The following TMEM108 variants were observed in gnomAD, a reference collection of about 807,000 sequenced individuals.
TMEM108 encodes the protein transmembrane protein 108.
In TMEM108, 12 loss-of-function variants were observed where a neutral mutation model predicts 35.1. The ratio of observed to expected loss-of-function variants is 0.34; its 90% CI spans 0.22 to 0.55. The LOEUF (loss-of-function observed/expected upper bound fraction) is 0.55, where lower values mean the gene tolerates loss of function less well. Among genes scored for constraint, TMEM108 ranks in the 20% least tolerant of loss-of-function variants. The probability of loss-of-function intolerance (pLI) is 0.89; values close to 1 mark genes in which losing one functional copy is unlikely to be tolerated. For missense variants in TMEM108, 680 were observed against 753.3 expected (o/e 0.90, Z 1.14); for synonymous variants, 287 against 308.6 (o/e 0.93, Z 0.73).
At chr3:133,273,289 A>G (rs1464722747) in intron 3 of TMEM108, among the ~76,000 whole-genome samples, 2 of 152,174 alleles carry the variant, frequency 1.3e-5, no homozygotes, top group African/African-American at 4.8e-5. Flanking sequence ...GATGTGTCCA[A>G]TGGAATGAAG....
intron 3 of TMEM108, among the ~76,000 whole-genome samples, chr3:133,295,904 T>G (rs899404989): frequency 1.3e-5 from 2 of 152,190 alleles, no homozygotes; most frequent in Non-Finnish European, 2.9e-5. Flanking sequence ...GCCCCCTGAA[T>G]GAAAATAATT....
intron 3 of TMEM108, among the ~76,000 whole-genome samples, chr3:133,330,829 A>C (rs2071385426): frequency 6.6e-6 from 1 of 152,176 alleles, no homozygotes; most frequent in Admixed American, 6.6e-5. Flanking sequence ...TCAGGCTAAG[A>C]GGAAGAAAGG....
intron 3 of TMEM108, among the ~76,000 whole-genome samples, chr3:133,355,158 G>T (rs1195105174): frequency 6.6e-6 from 1 of 152,176 alleles, no homozygotes; most frequent in Non-Finnish European, 1.5e-5. Context: ...TTTGTGAATG[G>T]TTATAAAGAA....
intron 2 of TMEM108, among the ~76,000 whole-genome samples, chr3:133,113,758 A>G (rs1944253514): frequency 6.6e-6 from 1 of 152,058 alleles, no homozygotes; most frequent in Non-Finnish European, 1.5e-5. Context: ...ATTTTCCTTG[A>G]CTGAGGTGGC....
intron 2 of TMEM108, among the ~76,000 whole-genome samples, chr3:133,066,504 G>A (rs771809945): frequency 1.2e-4 from 18 of 152,152 alleles, no homozygotes; most frequent in Non-Finnish European, 2.1e-4. Context: ...TTTTAGGGCC[G>A]ATATTCATGC....
chr3:133,094,221 A>ACCCCCCC (rs1559830325), intron 2 of TMEM108, among the ~76,000 whole-genome samples: 21 of 34,320 alleles, frequency 6.1e-4, no homozygotes, highest in South Asian at 1.4e-3. Flanking sequence ...CCCACCTCCC[A>ACCCCCCC]CCCCACCCCC....
At chr3:133,349,400 ATAATT>A (rs1457577838) in intron 3 of TMEM108, among the ~76,000 whole-genome samples, 1 of 152,154 alleles carries the variant, frequency 6.6e-6, no homozygotes, top group African/African-American at 2.4e-5. Context: ...ACACAGCAAT[ATAATT>A]TAAGAAGTTA....
chr3:133,174,039 C>A (rs1224833064), intron 2 of TMEM108, among the ~76,000 whole-genome samples: 2 of 152,246 alleles, frequency 1.3e-5, no homozygotes, highest in African/African-American at 2.4e-5. Context: ...ATATCCCGCT[C>A]CTGGCTCAGA....
chr3:133,107,602 G>T (rs1944169935), intron 2 of TMEM108, among the ~76,000 whole-genome samples: 1 of 152,098 alleles, frequency 6.6e-6, no homozygotes, highest in Non-Finnish European at 1.5e-5. Context: ...AGTGGAGTCA[G>T]ATTACAAAGG....
At chr3:133,042,785 CTAGT>C (rs1435715596) in intron 1 of TMEM108, among the ~76,000 whole-genome samples, 1 of 152,162 alleles carries the variant, frequency 6.6e-6, no homozygotes, top group Non-Finnish European at 1.5e-5. Context: ...TGGCAGAGAA[CTAGT>C]TAGAGGACTA....
intron 1 of TMEM108, among the ~76,000 whole-genome samples, chr3:133,039,460 A>G (rs1943247344): frequency 6.6e-6 from 1 of 152,184 alleles, no homozygotes; most frequent in African/African-American, 2.4e-5. Flanking sequence ...AGAGGTTTGT[A>G]TGGGAGTCCG....
intron 2 of TMEM108, among the ~76,000 whole-genome samples, chr3:133,219,528 T>G (rs187133312): frequency 6.6e-6 from 1 of 152,118 alleles, no homozygotes; most frequent in East Asian, 1.9e-4. Context: ...TCCTTCAAGC[T>G]TTGGTGTAGT....
intron 2 of TMEM108, among the ~76,000 whole-genome samples, chr3:133,146,237 A>C (rs377629753): frequency 7.2e-5 from 11 of 152,234 alleles, no homozygotes; most frequent in African/African-American, 2.4e-4. Context: ...GGTTTTTGTC[A>C]TTGGTTCTGT....
chr3:133,374,801 A>G (rs2072785401), intron 3 of TMEM108, among the ~76,000 whole-genome samples: 1 of 152,228 alleles, frequency 6.6e-6, no homozygotes, highest in Non-Finnish European at 1.5e-5. Flanking sequence ...AGATAGAAAA[A>G]AAACAAGACA....
chr3:133,090,221 C>G (rs1054967394), intron 2 of TMEM108, among the ~76,000 whole-genome samples: 1 of 152,140 alleles, frequency 6.6e-6, no homozygotes, highest in Non-Finnish European at 1.5e-5. Context: ...CCCATTAAAA[C>G]GAAACAAAAA....
chr3:133,265,472 G>A (rs767016174), intron 3 of TMEM108, among the ~76,000 whole-genome samples: 2 of 152,126 alleles, frequency 1.3e-5, no homozygotes, highest in Non-Finnish European at 2.9e-5. Flanking sequence ...CCTATCATTT[G>A]CTGAGGCTGC....
chr3:133,136,860 G>A (rs1405852196), intron 2 of TMEM108, among the ~76,000 whole-genome samples: 1 of 152,140 alleles, frequency 6.6e-6, no homozygotes, highest in Non-Finnish European at 1.5e-5. Flanking sequence ...TGTGGTTGGT[G>A]GTGGCTGATC....
intron 2 of TMEM108, among the ~76,000 whole-genome samples, chr3:133,193,614 A>G (rs1559863608): frequency 6.6e-6 from 1 of 151,840 alleles, no homozygotes; most frequent in Non-Finnish European, 1.5e-5. Flanking sequence ...TCAGTGAAAC[A>G]GTCCCATCTG....
intron 3 of TMEM108, among the ~76,000 whole-genome samples, chr3:133,312,509 C>G (rs2071144635): frequency 6.6e-6 from 1 of 152,246 alleles, no homozygotes; most frequent in Non-Finnish European, 1.5e-5. Context: ...TAGCTGTGAG[C>G]AAGGCTCTGT....
Sources: allele counts gnomAD v4.1 joint callset (sites outside exome capture counted in the v4.1 genomes callset), GRCh38; gene constraint gnomAD v4.1.1; transcripts MANE v1.5; gene names NCBI Gene and HGNC (gene_info 2026-07-23, HGNC 2026-07-21).